Variants in EIF4G3 observed in about 807,000 individuals in gnomAD.
EIF4G3 encodes eIF-4-gamma 3.
EIF4G3 carries 34 observed loss-of-function variants against 186.4 expected under a neutral mutation model. The ratio of observed to expected loss-of-function variants is 0.18; its 90% CI spans 0.14 to 0.24. The LOEUF (loss-of-function observed/expected upper bound fraction) is 0.24. Among genes scored for constraint, EIF4G3 ranks in the 10% least tolerant of loss-of-function variants. The pLI is 1.00. For missense variants in EIF4G3, 1,536 were observed against 1,948.5 expected (o/e 0.79, Z 3.99); for synonymous variants, 673 against 679.5 (o/e 0.99, Z 0.15).
chr1:21,078,125 T>C (rs766195035), intron 3 of EIF4G3, among the ~76,000 whole-genome samples: 23 of 152,178 alleles, frequency 1.5e-4, no homozygotes, highest in Non-Finnish European at 3.1e-4. Flanking sequence ...ATTTATAGCA[T>C]TCATTTATTT....
Position 20,864,734 on chromosome 1 carries a change from T to C in EIF4G3, c.2770-22A>G, listed in dbSNP as rs747183832. On this transcript the variant is annotated intron_variant, in intron 21 of 36. Transcript: ENST00000602326. ...CTGGCTGTTGTGTAAGGAGGAATAA[T>C]AGCATCTTGATGATGAAAGTTGTAC... 3.8e-6 allele frequency: 6 copies of C among 1,579,882 alleles called. No homozygotes were observed. In the South Asian group the frequency reaches 4.5e-5, roughly 12 times the overall value.
intron 32 of EIF4G3, among the ~76,000 whole-genome samples, chr1:20,827,359 G>GA (rs1232683737): frequency 6.6e-6 from 1 of 152,088 alleles, no homozygotes; most frequent in Non-Finnish European, 1.5e-5. Context: ...TTCAAAGGAA[G>GA]AAAAAATCAA....
chr1:20,810,841 C>G lies in EIF4G3; in HGVS notation c.4641G>C (p.Gln1547His). The change falls in exon 36 of 37, where the codon CAG becomes CAC. Residue 1547 changes from glutamine (Q) to histidine (H), a missense_variant. Gln to His is a conservative substitution (Grantham distance 24, BLOSUM62 0). This residue lies in a region of EIF4G3 where 395 missense variants were observed against 498.9 expected (regional missense o/e 0.79). Transcript: ENST00000602326. The surrounding 1 kb of genome is among the most constrained non-coding windows in gnomAD (Gnocchi z 4.1). ...TFRVDTAVIK[Q>H]RVPILLKYLD... ...GGTACTTGAGTAAGATCGGCACTCT[C>G]TGCTTGATAACAGCAGTGTCCACTC... 6.2e-7 allele frequency: 1 copy of G among 1,614,160 alleles called. No homozygotes were observed. Among genetic ancestry groups the G allele is most frequent in the Non-Finnish European group, 8.5e-7 (1 of 1,180,006 alleles).
At chr1:21,163,944 G>C (rs12740103) in intron 2 of EIF4G3, among the ~76,000 whole-genome samples, 4,174 of 151,928 alleles carry the variant, frequency 0.027, 86 homozygotes, top group Non-Finnish European at 0.038. Context: ...GCTAATTTTT[G>C]TATTTTTTTA....
intron 3 of EIF4G3, among the ~76,000 whole-genome samples, chr1:21,071,828 GA>G (rs1175328374): frequency 2.0e-5 from 3 of 148,522 alleles, no homozygotes; most frequent in Non-Finnish European, 4.5e-5. Flanking sequence ...AGAGAGAGAG[GA>G]AAAAAAAAGA....
chr1:20,978,534 T>C (rs979746142), intron 10 of EIF4G3, among the ~76,000 whole-genome samples: 10 of 152,156 alleles, frequency 6.6e-5, no homozygotes, highest in African/African-American at 2.4e-4. Context: ...AAGATTTAAA[T>C]TGCAAGCCAT....
chr1:20,906,994 CAGAG>C (rs1233135396), intron 14 of EIF4G3, among the ~76,000 whole-genome samples: 1 of 152,038 alleles, frequency 6.6e-6, no homozygotes, highest in Non-Finnish European at 1.5e-5. Flanking sequence ...AGAGGGAAGA[CAGAG>C]AGTGACACAG....
chr1:21,079,093 A>G (rs906204550), intron 3 of EIF4G3, among the ~76,000 whole-genome samples: 1 of 152,228 alleles, frequency 6.6e-6, no homozygotes, highest in Admixed American at 6.5e-5. Context: ...GTATAAATAA[A>G]TCTTTAGTTT....
chr1:21,111,763 C>A (rs574361331), intron 2 of EIF4G3, among the ~76,000 whole-genome samples: 1 of 152,330 alleles, frequency 6.6e-6, no homozygotes, highest in Non-Finnish European at 1.5e-5. Flanking sequence ...TGAACTTTTA[C>A]ATGCATTTAT....
At position 20,920,186 on chromosome 1, in the gene EIF4G3, G is replaced by A. The variant is rs560233710; in HGVS notation, c.1664-15215C>T. 8.1e-4 allele frequency among the ~76,000 whole-genome samples: 124 copies of A among 152,316 alleles called. 1 individual carries two copies. The highest frequency in any genetic ancestry group is 1.5e-3 in the Non-Finnish European group (101 of 68,012). Reference sequence around the variant, plus strand: ...CTCCCAAAGTGCTGGGATTACAGGCGTGAGTCACTGCGTCCGGTCGAGATA... The same window carrying A: ...CTCCCAAAGTGCTGGGATTACAGGCATGAGTCACTGCGTCCGGTCGAGATA... On this transcript the variant is annotated intron_variant, in intron 14 of 36. Coordinates refer to ENST00000602326, the MANE Select transcript of EIF4G3 (RefSeq NM_001391906.1).
chr1:21,142,366 G>T (rs938667083), intron 2 of EIF4G3, among the ~76,000 whole-genome samples: 1 of 151,632 alleles, frequency 6.6e-6, no homozygotes, highest in Non-Finnish European at 1.5e-5. Flanking sequence ...ATTAGCCAGT[G>T]TGGTGCACCA....
intron 4 of EIF4G3, among the ~76,000 whole-genome samples, chr1:21,021,108 C>T (rs549296154): frequency 1.7e-4 from 26 of 152,240 alleles, no homozygotes; most frequent in African/African-American, 6.3e-4. Context: ...TTCAGCCTCC[C>T]GAATACCTGG....
intron 31 of EIF4G3, among the ~76,000 whole-genome samples, chr1:20,828,768 T>C (rs982100533): frequency 7.2e-5 from 11 of 152,314 alleles, no homozygotes; most frequent in South Asian, 2.1e-4. Flanking sequence ...CATGAGCATG[T>C]ACTATGGGGT....
chr1:21,165,563 G>A (rs1022785503), intron 2 of EIF4G3, among the ~76,000 whole-genome samples: 22 of 152,114 alleles, frequency 1.4e-4, no homozygotes, highest in African/African-American at 4.1e-4. Flanking sequence ...AAAACATTAT[G>A]CTGAAACAAA....
intron 20 of EIF4G3, among the ~76,000 whole-genome samples, chr1:20,869,774 C>CAAA (rs35907806): frequency 1.9e-4 from 9 of 48,554 alleles, no homozygotes; most frequent in East Asian, 4.3e-4. Context: ...GACTACGTCT[C>CAAA]AAAAAAAAAA....
intron 33 of EIF4G3, among the ~76,000 whole-genome samples, chr1:20,822,351 C>T (rs994388009): frequency 7.5e-6 from 1 of 133,420 alleles, no homozygotes; most frequent in Admixed American, 7.9e-5. Context: ...TCTCAAAGAA[C>T]CAGCTTTTTT....
chr1:21,063,263 C>T (rs530328969), intron 3 of EIF4G3, among the ~76,000 whole-genome samples: 2 of 152,112 alleles, frequency 1.3e-5, no homozygotes, highest in South Asian at 2.1e-4. Flanking sequence ...CAAAAGTAAC[C>T]AGGTCTGAGA....
intron 14 of EIF4G3, among the ~76,000 whole-genome samples, chr1:20,905,503 G>C (rs536134243): frequency 6.6e-6 from 1 of 152,192 alleles, no homozygotes; most frequent in Non-Finnish European, 1.5e-5. Flanking sequence ...CAGCATTTCT[G>C]AAACATTCTG....
chr1:21,089,631 ATC>A (rs1273299560), intron 2 of EIF4G3, among the ~76,000 whole-genome samples: 2 of 152,080 alleles, frequency 1.3e-5, no homozygotes, highest in African/African-American at 4.8e-5. Flanking sequence ...GCAAGACCTC[ATC>A]TCTACTAAAT....
Sources: allele counts gnomAD v4.1 joint callset (sites outside exome capture counted in the v4.1 genomes callset), GRCh38; gene constraint gnomAD v4.1.1; regional missense constraint gnomAD v4.1.1; non-coding constraint Gnocchi (gnomAD v3.1); transcripts MANE v1.5; gene names NCBI Gene and HGNC (gene_info 2026-07-23, HGNC 2026-07-21).